STXBP2: variants seen among roughly 807,000 people sequenced by gnomAD.
STXBP2 encodes the protein syntaxin-binding protein 2.
In STXBP2, 47 loss-of-function variants were observed where a neutral mutation model predicts 72.2. That is an observed-to-expected ratio of 0.65 (90% CI 0.51 to 0.83). STXBP2 has a LOEUF of 0.83. Ranked by LOEUF, STXBP2 falls within the 40% of genes least tolerant of loss-of-function variation. The probability of loss-of-function intolerance (pLI) is 0.00; values close to 1 mark genes in which losing one functional copy is unlikely to be tolerated. For missense variants in STXBP2, 702 were observed against 807.6 expected (o/e 0.87, Z 1.58); for synonymous variants, 367 against 338.7 (o/e 1.08, Z -0.92).
chr19:7,640,329 T>C (rs931340781), intron 4 of STXBP2: 4 of 551,654 alleles, frequency 7.3e-6, no homozygotes, highest in African/African-American at 6.1e-5. Context: ...TGTGTGCGTG[T>C]GTATGCGTGT....
In STXBP2 at chr19:7,643,247, T is replaced by C; in HGVS notation, c.1107+2T>C. ...GAGAAGCTGTGTAGTGTGGAGCAGGTGGGGCAGGGCTTGCGGGGGGCAGGG... is the reference window on the plus strand; with the variant it reads ...GAGAAGCTGTGTAGTGTGGAGCAGGCGGGGCAGGGCTTGCGGGGGGCAGGG... On this transcript the variant is annotated splice_donor_variant, in intron 13 of 18. Transcript: ENST00000221283. LOFTEE classifies it high-confidence loss of function. 1 of 1,605,154 alleles carries C rather than the reference T, an allele frequency of 6.2e-7. No homozygotes were observed. Among genetic ancestry groups the C allele is most frequent in the Non-Finnish European group, 8.5e-7 (1 of 1,176,370 alleles).
At chr19:7,631,395 T>TGTGGGGG in the STXBP2 span, 1 of 318,046 alleles carries the variant, frequency 3.1e-6, no homozygotes, top group South Asian at 3.1e-5. Flanking sequence ...GTGGGAGAGG[T>TGTGGGGG]GGGCGGGGGG....
chr19:7,631,327 T>C, the STXBP2 span: 1 of 1,389,772 alleles, frequency 7.2e-7, no homozygotes, highest in South Asian at 1.6e-5. Context: ...CCTTTGTAAT[T>C]GGCAGGGGGC....
At chr19:7,632,704 G>T (rs1469305250), upstream of STXBP2, 2 of 1,553,264 alleles carry the variant, frequency 1.3e-6, no homozygotes, top group Non-Finnish European at 1.7e-6. The surrounding 1 kb of genome is among the most constrained non-coding windows in gnomAD (Gnocchi z 5.2). Flanking sequence ...GCACCCCCGT[G>T]CCCATGCTCA....
chr19:7,646,167 ACC>A lies in STXBP2; in HGVS notation c.1357-81_1357-80del, dbSNP rs750890795. 6.4e-5 allele frequency: 77 copies of A among 1,206,826 alleles called. No individual in the cohort carries two copies. In the African/African-American group the frequency reaches 1.1e-3, roughly 18 times the overall value. The allele number at this position is 1,206,826 out of a possible 1,614,324, so 74.8% of individuals were successfully genotyped here. On this transcript the variant is annotated intron_variant, in intron 15 of 18. Transcript: ENST00000221283. ...ATCTTTGCCTGCCATCCCCCACCCTACCAGCCACACCAGGCGCAGCCCCTCTG... is the reference window on the plus strand; with the variant it reads ...ATCTTTGCCTGCCATCCCCCACCCTAAGCCACACCAGGCGCAGCCCCTCTG...
In STXBP2 at chr19:7,647,264, G is replaced by A. The variant is rs886038579; in HGVS notation, c.1538+17G>A. 1.9e-5 allele frequency: 31 copies of A among 1,610,092 alleles called. No individual in the cohort carries two copies. The highest frequency in any genetic ancestry group is 8.0e-5 in the African/African-American group (6 of 74,856). ...CGCTGTCAGGTGAGGCCCCGGGGCC[G>A]CCCCCGCCCACGCCTGGGTCTGTGT... is the stretch of plus-strand genomic sequence containing the variant. On this transcript the variant is annotated intron_variant, in intron 17 of 18. Coordinates refer to ENST00000221283, the MANE Select transcript of STXBP2 (RefSeq NM_006949.4).
At chr19:7,635,449 C>T (rs537358602), upstream of STXBP2, among the ~76,000 whole-genome samples, 1 of 152,188 alleles carries the variant, frequency 6.6e-6, no homozygotes, top group Non-Finnish European at 1.5e-5. Flanking sequence ...AATCCTAACA[C>T]TTTGGGAGGC....
chr19:7,630,960 A>T, the STXBP2 span: 1 of 1,325,998 alleles, frequency 7.5e-7, no homozygotes, highest in Non-Finnish European at 1.0e-6. Context: ...TTGTAATCCC[A>T]GGGCATGGGA....
chr19:7,633,468 T>C (rs1359245755), upstream of STXBP2: 9 of 1,572,310 alleles, frequency 5.7e-6, no homozygotes, highest in East Asian at 2.3e-5. Flanking sequence ...GTCCCTGGAC[T>C]CCAGTCACTT....
intron 4 of STXBP2, chr19:7,640,396 G>T: frequency 1.7e-6 from 1 of 592,152 alleles, no homozygotes. Flanking sequence ...GTCTGCATGT[G>T]TGTATATGTG....
chr19:7,642,667 C>G lies in STXBP2; in HGVS notation c.903-99C>G. ...CCTCGTGTGACTCCAGACTGGCCTC[C>G]AATTTCACCCCACCTCTCCCTGTCC... On this transcript the variant is annotated intron_variant, in intron 10 of 18. Coordinates refer to ENST00000221283, the MANE Select transcript of STXBP2 (RefSeq NM_006949.4). This position sits in a 1 kb window ranked among gnomAD's most constrained non-coding sequence, Gnocchi z 6.0. The G allele has an allele frequency of 6.8e-7, 1 of 1,478,108 alleles. No homozygotes were observed. Among genetic ancestry groups the G allele is most frequent in the Non-Finnish European group, 9.4e-7 (1 of 1,064,266 alleles). 91.6% of individuals were successfully genotyped at this position (1,478,108 alleles called of 1,614,324 possible). A position where few individuals can be genotyped will look rare whatever the true frequency, so the allele number is the denominator to read the frequency against.
Position 7,642,334 on chromosome 19 carries a change from G to T in STXBP2, c.794+1G>T, listed in dbSNP as rs759462847. On this transcript the variant is annotated splice_donor_variant, in intron 9 of 18. Transcript: ENST00000221283. LOFTEE classifies it high-confidence loss of function. The surrounding 1 kb of genome is among the most constrained non-coding windows in gnomAD (Gnocchi z 6.0). ...TGGACATAGAGCAGGACACATACAG[G>T]TCTGCAGACTTGGAACCCGTCCCCA... is the stretch of plus-strand genomic sequence containing the variant. 2 of 1,613,866 alleles carry T rather than the reference G, an allele frequency of 1.2e-6. No individual in the cohort carries two copies. The highest frequency in any genetic ancestry group is 8.5e-7 in the Non-Finnish European group (1 of 1,179,766).
chr19:7,638,896 G>A, intron 2 of STXBP2, 121 bp downstream of exon 2: 1 of 1,562,806 alleles, frequency 6.4e-7, no homozygotes, highest in Non-Finnish European at 8.8e-7. Flanking sequence ...GGGTGAATGG[G>A]TTCTGGGTCC....
rs754252314 is a variant in STXBP2, at chr19:7,647,861, C to A, written c.*51C>A. 4 of 1,516,454 alleles carry A rather than the reference C, an allele frequency of 2.6e-6. No homozygotes were observed. Among genetic ancestry groups the A allele is most frequent in the East Asian group, 2.3e-5 (1 of 43,406 alleles). 93.9% of individuals were successfully genotyped at this position (1,516,454 alleles called of 1,614,324 possible). A position where few individuals can be genotyped will look rare whatever the true frequency, so the allele number is the denominator to read the frequency against. ...CCTTTCCAGAGAAATAAACTCTTCC[C>A]GTCGCTCTGCCAGCCAGTGCCTACC... On this transcript the variant is annotated 3_prime_UTR_variant, in exon 19 of 19. Coordinates refer to ENST00000221283, the MANE Select transcript of STXBP2 (RefSeq NM_006949.4).
intron 13 of STXBP2, among the ~76,000 whole-genome samples, chr19:7,644,166 C>T (rs55681023): frequency 0.014 from 870 of 64,046 alleles, 66 homozygotes; most frequent in Admixed American, 0.022. Context: ...GAGGTGGGAC[C>T]TGGGTGAGGG....
rs748913284 is a variant in STXBP2, at chr19:7,640,532, ATGTGTGTGTGCGTGCGTGCATC to A, written c.247-186_247-165del. 73 of 693,852 alleles carry A rather than the reference ATGTGTGTGTGCGTGCGTGCATC, an allele frequency of 1.1e-4. 1 individual carries two copies. The highest frequency in any genetic ancestry group is 1.5e-4 in the Non-Finnish European group (57 of 385,768). The allele number at this position is 693,852 out of a possible 1,614,324, so 43.0% of individuals were successfully genotyped here. ...TGTGTGCATGTGTGCATGCGTGTGT[ATGTGTGTGTGCGTGCGTGCATC>A]TGTGTGTGTGCGCGTGTGCCCATGT... On this transcript the variant is annotated intron_variant, in intron 4 of 18. Coordinates refer to ENST00000221283, the MANE Select transcript of STXBP2 (RefSeq NM_006949.4).
At chr19:7,641,109 A>G in intron 6 of STXBP2, 106 bp downstream of exon 6, 1 of 1,213,780 alleles carries the variant, frequency 8.2e-7, no homozygotes, top group Non-Finnish European at 1.2e-6. Context: ...TCATACCTGT[A>G]ATCCCAGCGC....
chr19:7,640,585 C>G (rs745835023), intron 4 of STXBP2, 146 bp from the exon 5 acceptor site: 3 of 1,021,316 alleles, frequency 2.9e-6, no homozygotes, highest in Non-Finnish European at 4.5e-6. Flanking sequence ...CATGTGGGTG[C>G]GACACTAGTG....
chr19:7,634,600 G>A (rs141498353), upstream of STXBP2, among the ~76,000 whole-genome samples: 192 of 152,318 alleles, frequency 1.3e-3, no homozygotes, highest in African/African-American at 4.5e-3. Flanking sequence ...AAACTCCTGG[G>A]TTCATGTGAT....
Sources: allele counts gnomAD v4.1 joint callset (sites outside exome capture counted in the v4.1 genomes callset), GRCh38; gene constraint gnomAD v4.1.1; non-coding constraint Gnocchi (gnomAD v3.1); transcripts MANE v1.5; gene names NCBI Gene and HGNC (gene_info 2026-07-23, HGNC 2026-07-21).